Variants in RSRC1 observed in about 807,000 individuals in gnomAD.
The protein encoded by RSRC1 is serine/Arginine-related protein 53.
RSRC1 carries 39 observed loss-of-function variants against 49.1 expected under a neutral mutation model. That is an observed-to-expected ratio of 0.79 (90% CI 0.61 to 1.04). The LOEUF (loss-of-function observed/expected upper bound fraction) is 1.04. Ranked by LOEUF, RSRC1 falls within the 50% of genes least tolerant of loss-of-function variation. The pLI, the probability that RSRC1 is intolerant of heterozygous loss-of-function variation, is 0.00. For missense variants in RSRC1, 388 were observed against 402.4 expected (o/e 0.96, Z 0.31); for synonymous variants, 143 against 130.8 (o/e 1.09, Z -0.63).
chr3:158,254,626 G>T (rs1724425744), intron 4 of RSRC1, among the ~76,000 whole-genome samples: 1 of 151,984 alleles, frequency 6.6e-6, no homozygotes, highest in Non-Finnish European at 1.5e-5. Flanking sequence ...TAGAGATGGG[G>T]TTTCACCATG....
At chr3:158,460,297 A>G (rs1737544925) in intron 6 of RSRC1, among the ~76,000 whole-genome samples, 1 of 151,898 alleles carries the variant, frequency 6.6e-6, no homozygotes, top group South Asian at 2.1e-4. Flanking sequence ...TTTACAGAGT[A>G]TATTGATAGT....
intron 5 of RSRC1, among the ~76,000 whole-genome samples, chr3:158,334,677 G>GTGTGTT (rs937991173): frequency 1.3e-5 from 2 of 151,142 alleles, no homozygotes; most frequent in African/African-American, 4.9e-5. Context: ...GTGTGTGTGT[G>GTGTGTT]TGTGTGTGTA....
chr3:158,470,955 G>C (rs186709302), intron 7 of RSRC1, among the ~76,000 whole-genome samples: 3 of 152,162 alleles, frequency 2.0e-5, no homozygotes, highest in Non-Finnish European at 1.5e-5. Flanking sequence ...AGAAACTCAC[G>C]CAACAAGAAT....
intron 4 of RSRC1, among the ~76,000 whole-genome samples, chr3:158,240,992 T>C (rs1358536382): frequency 6.6e-6 from 1 of 152,220 alleles, no homozygotes; most frequent in African/African-American, 2.4e-5. Flanking sequence ...TTATTAGTTA[T>C]TGTCATTAAT....
intron 3 of RSRC1, among the ~76,000 whole-genome samples, chr3:158,140,035 A>G (rs958876780): frequency 6.6e-6 from 1 of 151,816 alleles, no homozygotes; most frequent in Non-Finnish European, 1.5e-5. Flanking sequence ...TACATGGTAA[A>G]TTTTTTCCTC....
chr3:158,242,031 C>A (rs981692369), intron 4 of RSRC1, among the ~76,000 whole-genome samples: 15 of 77,486 alleles, frequency 1.9e-4, no homozygotes, highest in South Asian at 3.7e-4. Flanking sequence ...TAATTTCCAA[C>A]CTTTTTTTTT....
intron 3 of RSRC1, among the ~76,000 whole-genome samples, chr3:158,201,773 A>G (rs1721060809): frequency 6.6e-6 from 1 of 152,164 alleles, no homozygotes; most frequent in African/African-American, 2.4e-5. Context: ...ATGCTTTAAA[A>G]TCCTTATCTG....
At chr3:158,311,845 G>T (rs1728147179) in intron 5 of RSRC1, among the ~76,000 whole-genome samples, 1 of 151,974 alleles carries the variant, frequency 6.6e-6, no homozygotes, top group Admixed American at 6.6e-5. Context: ...TAATTTTTAT[G>T]TGTCAGTTAG....
chr3:158,355,312 T>A (rs1443069196), intron 6 of RSRC1, among the ~76,000 whole-genome samples: 3 of 151,812 alleles, frequency 2.0e-5, no homozygotes, highest in Non-Finnish European at 4.4e-5. Context: ...TAGTCTTAAA[T>A]GTAACATGTA....
chr3:158,117,533 C>G (rs1365642735), intron 1 of RSRC1, among the ~76,000 whole-genome samples: 2 of 152,128 alleles, frequency 1.3e-5, no homozygotes, highest in East Asian at 1.9e-4. Context: ...TTCAAGCAAT[C>G]CACCCACTTC....
At chr3:158,355,884 C>A (rs1487500672) in intron 6 of RSRC1, among the ~76,000 whole-genome samples, 1 of 151,724 alleles carries the variant, frequency 6.6e-6, no homozygotes, top group Non-Finnish European at 1.5e-5. Flanking sequence ...ATCTATATAT[C>A]TAATTTATAT....
At chr3:158,132,126 G>C (rs1048607670) in intron 3 of RSRC1, 4 of 449,316 alleles carry the variant, frequency 8.9e-6, no homozygotes, top group African/African-American at 8.0e-5. Flanking sequence ...TGGGACTACA[G>C]GTACACACCG....
chr3:158,261,358 C>T (rs150215534), intron 4 of RSRC1, among the ~76,000 whole-genome samples: 11 of 152,258 alleles, frequency 7.2e-5, no homozygotes, highest in African/African-American at 2.2e-4. Flanking sequence ...TCTCTGATAG[C>T]TAATGATGTT....
At chr3:158,495,266 T>C (rs1178806121) in intron 7 of RSRC1, among the ~76,000 whole-genome samples, 1 of 152,102 alleles carries the variant, frequency 6.6e-6, no homozygotes, top group Non-Finnish European at 1.5e-5. Context: ...GTTTTTTGTT[T>C]TTGTTTTTTG....
chr3:158,210,108 GTTAT>G (rs1224168678), intron 4 of RSRC1, among the ~76,000 whole-genome samples: 1 of 152,022 alleles, frequency 6.6e-6, no homozygotes, highest in Non-Finnish European at 1.5e-5. Context: ...TTCCTAACCT[GTTAT>G]TTATACAGCA....
At chr3:158,288,209 C>T (rs566201787) in intron 4 of RSRC1, among the ~76,000 whole-genome samples, 4 of 152,270 alleles carry the variant, frequency 2.6e-5, no homozygotes, top group East Asian at 1.9e-4. Context: ...GCTCACTCTT[C>T]GCGCCTCCTC....
chr3:158,538,330 G>T (rs1048583974), intron 8 of RSRC1, among the ~76,000 whole-genome samples: 2 of 151,812 alleles, frequency 1.3e-5, no homozygotes, highest in Non-Finnish European at 3.0e-5. Context: ...CCATTTTGTT[G>T]ATTTCCTTTG....
At chr3:158,306,852 A>G (rs1264296323) in intron 5 of RSRC1, among the ~76,000 whole-genome samples, 1 of 151,916 alleles carries the variant, frequency 6.6e-6, no homozygotes, top group Non-Finnish European at 1.5e-5. Flanking sequence ...TTTTAAGTAA[A>G]TATTCAGCTT....
intron 3 of RSRC1, among the ~76,000 whole-genome samples, chr3:158,146,050 G>A (rs1477236776): frequency 3.3e-5 from 5 of 152,038 alleles, no homozygotes; most frequent in African/African-American, 9.7e-5. Flanking sequence ...GGGGTTTTCT[G>A]GATATACAAT....
Sources: gnomAD v4.1 joint callset for allele counts (sites outside exome capture counted in the v4.1 genomes callset) on GRCh38, gnomAD v4.1.1 for gene constraint, MANE v1.5 for transcripts, NCBI Gene and HGNC (gene_info 2026-07-23, HGNC 2026-07-21) for gene names.